SGPP2: variants seen among roughly 807,000 people sequenced by gnomAD.
SGPP2 encodes the protein sphingosine-1-phosphate phosphatase 2, also known as sphingosine 1-phosphate phosphohydrolase 2.
A neutral mutation model predicts 33.9 loss-of-function variants in SGPP2; 30 were observed. That is an observed-to-expected ratio of 0.89 (90% CI 0.66 to 1.20). SGPP2 has a LOEUF of 1.20. SGPP2 is among the 50% of genes most tolerant of loss of function. The probability of loss-of-function intolerance (pLI) is 0.00; values close to 1 mark genes in which losing one functional copy is unlikely to be tolerated. For missense variants in SGPP2, 458 were observed against 532.1 expected, an observed-to-expected ratio of 0.86 and a Z score of 1.37; for synonymous variants, 233 against 225.0, an observed-to-expected ratio of 1.04 and a Z score of -0.32.
At chr2:222,442,048 A>C (rs1697332778) in intron 1 of SGPP2, among the ~76,000 whole-genome samples, 1 of 152,212 alleles carries the variant, frequency 6.6e-6, no homozygotes, top group Non-Finnish European at 1.5e-5. Flanking sequence ...AAAATACATA[A>C]TGTTCTTTTG....
intron 2 of SGPP2, among the ~76,000 whole-genome samples, chr2:222,475,288 C>T (rs1336341992): frequency 1.3e-5 from 2 of 152,144 alleles, no homozygotes; most frequent in East Asian, 3.9e-4. Flanking sequence ...AGGCTTATCT[C>T]TTACTGCTAT....
At chr2:222,505,144 T>C (rs1431486168) in intron 2 of SGPP2, among the ~76,000 whole-genome samples, 1 of 152,234 alleles carries the variant, frequency 6.6e-6, no homozygotes, top group African/African-American at 2.4e-5. Context: ...TATTCATATT[T>C]ACTGCTTGCT....
intron 4 of SGPP2, among the ~76,000 whole-genome samples, chr2:222,528,596 GGT>G (rs1193439409): frequency 6.6e-6 from 1 of 152,074 alleles, no homozygotes; most frequent in Non-Finnish European, 1.5e-5. Flanking sequence ...ATTGCTGAAG[GGT>G]GGAGGGGCTG....
At chr2:222,426,950 T>G (rs1651228895) in intron 1 of SGPP2, among the ~76,000 whole-genome samples, 1 of 152,196 alleles carries the variant, frequency 6.6e-6, no homozygotes, top group Non-Finnish European at 1.5e-5. Flanking sequence ...CTAAATATCC[T>G]CCCCACTCAT....
At chr2:222,457,241 A>C (rs1697586833) in intron 1 of SGPP2, among the ~76,000 whole-genome samples, 1 of 152,044 alleles carries the variant, frequency 6.6e-6, no homozygotes, top group Non-Finnish European at 1.5e-5. Flanking sequence ...ATGAAGGTAA[A>C]CAAGTTTAAG....
chr2:222,487,026 C>T (rs914633034), intron 2 of SGPP2, among the ~76,000 whole-genome samples: 3 of 152,060 alleles, frequency 2.0e-5, no homozygotes, highest in African/African-American at 7.3e-5. Flanking sequence ...TGTGTTTGAT[C>T]TCAGCATACA....
At chr2:222,452,778 A>G in intron 1 of SGPP2, 1 of 1,505,942 alleles carries the variant, frequency 6.6e-7, no homozygotes, top group Non-Finnish European at 9.2e-7. Context: ...AGAAGAGTAG[A>G]GGCTGGGGTA....
intron 2 of SGPP2, among the ~76,000 whole-genome samples, chr2:222,520,133 G>A (rs1698661049): frequency 6.6e-6 from 1 of 152,178 alleles, no homozygotes; most frequent in Non-Finnish European, 1.5e-5. Flanking sequence ...ATTCCCACCA[G>A]CAGTGTATAA....
chr2:222,488,717 T>C (rs1180242211), intron 2 of SGPP2, among the ~76,000 whole-genome samples: 3 of 152,186 alleles, frequency 2.0e-5, no homozygotes, highest in African/African-American at 4.8e-5. Context: ...ACATCAAACA[T>C]GCAAGCCTTA....
At chr2:222,466,373 C>T (rs1224587132) in intron 1 of SGPP2, among the ~76,000 whole-genome samples, 2 of 151,648 alleles carry the variant, frequency 1.3e-5, no homozygotes, top group Admixed American at 6.6e-5. Flanking sequence ...ATTCTCTTGC[C>T]TCAGCCTCCC....
At chr2:222,474,764 T>G in intron 2 of SGPP2, 38 bp downstream of exon 2, 1 of 1,521,466 alleles carries the variant, frequency 6.6e-7, no homozygotes. Flanking sequence ...ATGCTACTTC[T>G]AAAACAACTA....
At chr2:222,466,835 G>T (rs1184820671) in intron 1 of SGPP2, among the ~76,000 whole-genome samples, 1 of 152,170 alleles carries the variant, frequency 6.6e-6, no homozygotes, top group Non-Finnish European at 1.5e-5. Context: ...TGCATCATCA[G>T]TCAGTCATTT....
intron 2 of SGPP2, among the ~76,000 whole-genome samples, chr2:222,488,345 A>G (rs552764918): frequency 6.6e-6 from 1 of 152,294 alleles, no homozygotes; most frequent in East Asian, 1.9e-4. Flanking sequence ...CCTGAGCTCC[A>G]TTTCCTGTCA....
At chr2:222,522,961 G>T (rs555647028) in intron 3 of SGPP2, among the ~76,000 whole-genome samples, 1 of 152,338 alleles carries the variant, frequency 6.6e-6, no homozygotes, top group African/African-American at 2.4e-5. Context: ...GGGATTACAG[G>T]CATGAGCCAC....
chr2:222,520,291 T>A (rs572025790), intron 2 of SGPP2, among the ~76,000 whole-genome samples: 5 of 152,314 alleles, frequency 3.3e-5, no homozygotes, highest in African/African-American at 1.2e-4. Context: ...TTTTTTCATA[T>A]CTTTTTTCAG....
intron 4 of SGPP2, among the ~76,000 whole-genome samples, chr2:222,532,589 A>C (rs1049136130): frequency 6.6e-6 from 1 of 152,128 alleles, no homozygotes; most frequent in Non-Finnish European, 1.5e-5. Flanking sequence ...CAAGCAAGAA[A>C]CATGGGCAAC....
intron 2 of SGPP2, among the ~76,000 whole-genome samples, chr2:222,500,226 G>A (rs1487544885): frequency 6.6e-6 from 1 of 152,154 alleles, no homozygotes; most frequent in Non-Finnish European, 1.5e-5. Context: ...GTTCTCAGTG[G>A]TAGTGATGGT....
intron 2 of SGPP2, among the ~76,000 whole-genome samples, chr2:222,493,752 C>T (rs1394732515): frequency 6.6e-6 from 1 of 152,160 alleles, no homozygotes; most frequent in African/African-American, 2.4e-5. Flanking sequence ...CTCAAGCCAG[C>T]CCTCTTTTTA....
intron 2 of SGPP2, among the ~76,000 whole-genome samples, chr2:222,507,760 C>T (rs929475829): frequency 6.6e-5 from 10 of 152,188 alleles, no homozygotes; most frequent in African/African-American, 2.4e-4. Context: ...CCTATATGCG[C>T]TGGTATGTAA....
Sources: allele counts gnomAD v4.1 joint callset (sites outside exome capture counted in the v4.1 genomes callset), GRCh38; gene constraint gnomAD v4.1.1; transcripts MANE v1.5; gene names NCBI Gene and HGNC (gene_info 2026-07-23, HGNC 2026-07-21).